The following PLCE1 variants were observed in gnomAD, a reference collection of about 807,000 sequenced individuals.
The protein encoded by PLCE1 is phospholipase C epsilon 1.
A neutral mutation model predicts 242.8 loss-of-function variants in PLCE1; 119 were observed. That is an observed-to-expected ratio of 0.49 (90% CI 0.42 to 0.57). PLCE1 has a LOEUF of 0.57. PLCE1 is among the 20% of genes least tolerant of loss of function. The probability of loss-of-function intolerance (pLI) is 0.00; values close to 1 mark genes in which losing one functional copy is unlikely to be tolerated. For missense variants in PLCE1, 2,441 were observed against 2,788.8 expected (o/e 0.88, Z 2.81); for synonymous variants, 945 against 1,017.4 (o/e 0.93, Z 1.35).
intron 1 of PLCE1, among the ~76,000 whole-genome samples, chr10:94,020,330 C>T (rs910029759): frequency 2.6e-5 from 4 of 152,116 alleles, no homozygotes; most frequent in Non-Finnish European, 1.5e-5. Flanking sequence ...AACCTTTGCC[C>T]ATTTTTAAAA....
In PLCE1 at chr10:94,103,535, T is replaced by TC. The variant is rs199749361; in HGVS notation, c.1207-28638dup. ...TTTAGATTAACATCAGTGCTATGTT[T>TC]CAGTTTCAGTAATTGAGGCTCAAGA... On this transcript the variant is annotated intron_variant, in intron 2 of 32. Transcript: ENST00000371380. Among the ~76,000 whole-genome samples the TC allele has an allele frequency of 9.3e-3, 1,417 of 152,338 alleles. 22 individuals are homozygous for TC. Among genetic ancestry groups the TC allele is most frequent in the African/African-American group, 0.032 (1,322 of 41,578 alleles).
At chr10:94,073,978 A>G (rs2044431665) in intron 2 of PLCE1, among the ~76,000 whole-genome samples, 1 of 152,104 alleles carries the variant, frequency 6.6e-6, no homozygotes, top group African/African-American at 2.4e-5. Context: ...GGTTGTGGTG[A>G]TCTATTGAGT....
At chr10:94,327,903 T>C (rs1220920021) in intron 32 of PLCE1, 65 bp from the exon 33 acceptor site, 2 of 489,126 alleles carry the variant, frequency 4.1e-6, no homozygotes, top group South Asian at 3.1e-5. Context: ...ACCCTTGGTA[T>C]ACCGCAAGTG....
chr10:94,078,822 T>C (rs936693581), intron 2 of PLCE1, among the ~76,000 whole-genome samples: 1 of 152,356 alleles, frequency 6.6e-6, no homozygotes, highest in East Asian at 1.9e-4. Context: ...TACAACATTT[T>C]GCATGCTTGC....
intron 4 of PLCE1, among the ~76,000 whole-genome samples, chr10:94,178,137 C>T (rs1225018038): frequency 6.6e-6 from 1 of 152,214 alleles, no homozygotes; most frequent in African/African-American, 2.4e-5. Flanking sequence ...TCACCACCCA[C>T]ACCACTTCCA....
chr10:94,316,976 C>T (rs775325875), intron 29 of PLCE1, among the ~76,000 whole-genome samples: 1 of 152,204 alleles, frequency 6.6e-6, no homozygotes, highest in African/African-American at 2.4e-5. Context: ...TTAGACCGGG[C>T]GTGGTGGCTC....
intron 22 of PLCE1, among the ~76,000 whole-genome samples, chr10:94,288,124 G>A (rs1589481739): frequency 1.3e-5 from 2 of 152,058 alleles, no homozygotes; most frequent in Admixed American, 1.3e-4. Context: ...GTAGTTTTTG[G>A]TTACATGGAT....
intron 2 of PLCE1, among the ~76,000 whole-genome samples, chr10:94,046,150 T>C (rs894184910): frequency 2.6e-5 from 4 of 152,182 alleles, no homozygotes; most frequent in Non-Finnish European, 4.4e-5. Flanking sequence ...AATTTGGATG[T>C]AGCCAGGTTT....
At chr10:94,143,127 A>G (rs1025569288) in intron 3 of PLCE1, among the ~76,000 whole-genome samples, 1 of 152,252 alleles carries the variant, frequency 6.6e-6, no homozygotes, top group African/African-American at 2.4e-5. Context: ...TTCTACAACC[A>G]TTTAAGTACC....
Position 94,288,912 on chromosome 10 carries a change from G to T in PLCE1, c.5035+3947G>T, listed in dbSNP as rs569731377. On this transcript the variant is annotated intron_variant, in intron 22 of 32. Coordinates refer to ENST00000371380, the MANE Select transcript of PLCE1 (RefSeq NM_016341.4). ...ATTTGAATGACAAAAGTAGAACCCT[G>T]CTGCCTTGGACAGCTTTGGGCTAGC... is the stretch of plus-strand genomic sequence containing the variant. Among the ~76,000 whole-genome samples the T allele has an allele frequency of 3.3e-5, 5 of 152,288 alleles. No homozygotes were observed. The South Asian group carries it at 1.0e-3, about 32-fold the overall frequency.
At chr10:94,189,404 T>A (rs1359015547) in intron 4 of PLCE1, among the ~76,000 whole-genome samples, 1 of 152,034 alleles carries the variant, frequency 6.6e-6, no homozygotes, top group Admixed American at 6.6e-5. Flanking sequence ...CATTCTAGTA[T>A]CCCTTCCCTC....
chr10:94,221,345 G>A (rs1370787787), intron 4 of PLCE1, among the ~76,000 whole-genome samples: 1 of 152,156 alleles, frequency 6.6e-6, no homozygotes, highest in Non-Finnish European at 1.5e-5. Context: ...TGTGCATGTT[G>A]TGTGTGTGTA....
Position 94,164,316 on chromosome 10 carries a change from C to T in PLCE1, c.1493-6864C>T, listed in dbSNP as rs1008086750. Among the ~76,000 whole-genome samples the T allele has an allele frequency of 4.4e-4, 67 of 152,298 alleles. 1 individual carries two copies. Among genetic ancestry groups the T allele is most frequent in the South Asian group, 1.9e-3 (9 of 4,828 alleles). ...GTCAGATGTAGATTTGGTCTTTTCA[C>T]ATAGTCCCATATTTCTTGGAGGCTT... On this transcript the variant is annotated intron_variant, in intron 3 of 32. Coordinates refer to ENST00000371380, the MANE Select transcript of PLCE1 (RefSeq NM_016341.4).
At chr10:94,050,445 C>T (rs979476289) in intron 2 of PLCE1, among the ~76,000 whole-genome samples, 4 of 152,066 alleles carry the variant, frequency 2.6e-5, no homozygotes, top group Admixed American at 2.0e-4. Context: ...CAGGACACTC[C>T]CTCAACACGT....
intron 2 of PLCE1, among the ~76,000 whole-genome samples, chr10:94,056,971 T>TAAAA (rs1397226573): frequency 6.6e-6 from 1 of 152,212 alleles, no homozygotes; most frequent in Admixed American, 6.6e-5. Context: ...TGTTACAGCA[T>TAAAA]ATGTTAGTAC....
intron 4 of PLCE1, among the ~76,000 whole-genome samples, chr10:94,190,755 G>C (rs1293043700): frequency 6.6e-6 from 1 of 152,194 alleles, no homozygotes; most frequent in African/African-American, 2.4e-5. Flanking sequence ...TATCTAGTTT[G>C]GTACATGTTG....
chr10:94,308,457 T>G (rs1215464172), intron 26 of PLCE1, 124 bp from the exon 27 acceptor site: 1 of 780,568 alleles, frequency 1.3e-6, no homozygotes, highest in Non-Finnish European at 2.3e-6. Context: ...GCCTGTTGGT[T>G]GCATGCCTGT....
chr10:94,014,438 T>A (rs1309232653), intron 1 of PLCE1, among the ~76,000 whole-genome samples: 10 of 142,822 alleles, frequency 7.0e-5, no homozygotes, highest in South Asian at 2.3e-4. Context: ...ATCCTGTCTT[T>A]AAAAAAAAAA....
chr10:94,021,145 A>ATATG (rs1488566876), intron 1 of PLCE1, among the ~76,000 whole-genome samples: 1 of 151,370 alleles, frequency 6.6e-6, no homozygotes. Context: ...ATAGTTTCTT[A>ATATG]TATGTACAAA....
Sources: gnomAD v4.1 joint callset for allele counts (sites outside exome capture counted in the v4.1 genomes callset) on GRCh38, gnomAD v4.1.1 for gene constraint, MANE v1.5 for transcripts, NCBI Gene and HGNC (gene_info 2026-07-23, HGNC 2026-07-21) for gene names.